The following CCBE1 variants were observed in gnomAD, a reference collection of about 807,000 sequenced individuals.
CCBE1 encodes collagen and calcium binding EGF domains 1.
CCBE1 carries 37 observed loss-of-function variants against 50.0 expected under a neutral mutation model. That is an observed-to-expected ratio of 0.74 (90% CI 0.57 to 0.97). The LOEUF is 0.97. CCBE1 is among the 50% of genes least tolerant of loss of function. CCBE1 has a pLI of 0.00. For missense variants in CCBE1, 538 were observed against 523.8 expected (o/e 1.03, Z -0.26); for synonymous variants, 234 against 203.7 (o/e 1.15, Z -1.27).
chr18:59,527,862 G>A (rs1290529451), intron 2 of CCBE1, among the ~76,000 whole-genome samples: 1 of 152,112 alleles, frequency 6.6e-6, no homozygotes, highest in African/African-American at 2.4e-5. Context: ...TTACTCTGAT[G>A]GGCTTCTCCT....
At chr18:59,504,678 A>G (rs1913787716) in intron 2 of CCBE1, among the ~76,000 whole-genome samples, 1 of 152,186 alleles carries the variant, frequency 6.6e-6, no homozygotes, top group Admixed American at 6.5e-5. Context: ...TACATTTTGC[A>G]TGGCAAATGC....
intron 2 of CCBE1, among the ~76,000 whole-genome samples, chr18:59,553,289 A>G (rs1915994186): frequency 6.6e-6 from 1 of 152,220 alleles, no homozygotes; most frequent in South Asian, 2.1e-4. Flanking sequence ...ACACAGTCTC[A>G]TTCAAGCATG....
intron 2 of CCBE1, among the ~76,000 whole-genome samples, chr18:59,647,643 T>C (rs929603087): frequency 1.3e-5 from 2 of 152,180 alleles, no homozygotes; most frequent in African/African-American, 4.8e-5. Context: ...TGCACGCATA[T>C]TAGAACTTTC....
At chr18:59,567,600 G>A (rs2052849394) in intron 2 of CCBE1, among the ~76,000 whole-genome samples, 1 of 152,144 alleles carries the variant, frequency 6.6e-6, no homozygotes, top group East Asian at 1.9e-4. Context: ...AAGTGGATCG[G>A]GTTTTAATGT....
At chr18:59,441,279 G>A (rs1910409099) in intron 7 of CCBE1, among the ~76,000 whole-genome samples, 1 of 152,228 alleles carries the variant, frequency 6.6e-6, no homozygotes, top group Admixed American at 6.5e-5. Flanking sequence ...GGAGGTTGAG[G>A]CGGGTGGATC....
chr18:59,571,749 T>C (rs1180905044), intron 2 of CCBE1, among the ~76,000 whole-genome samples: 1 of 152,050 alleles, frequency 6.6e-6, no homozygotes, highest in East Asian at 1.9e-4. Context: ...TGATTTAATC[T>C]CTTAATATGT....
intron 2 of CCBE1, among the ~76,000 whole-genome samples, chr18:59,503,606 T>C (rs2143844501): frequency 6.6e-6 from 1 of 152,332 alleles, no homozygotes; most frequent in East Asian, 1.9e-4. Context: ...TCTAAATGGC[T>C]CATCCTCACC....
intron 2 of CCBE1, among the ~76,000 whole-genome samples, chr18:59,554,203 T>C (rs1015987404): frequency 6.6e-6 from 1 of 152,158 alleles, no homozygotes; most frequent in Non-Finnish European, 1.5e-5. Context: ...CCCAGACTTG[T>C]CTTGAACTCA....
intron 5 of CCBE1, among the ~76,000 whole-genome samples, chr18:59,457,973 A>G (rs1379381881): frequency 6.6e-6 from 1 of 152,246 alleles, no homozygotes; most frequent in African/African-American, 2.4e-5. Flanking sequence ...GGGCTCCTGC[A>G]TGAAAAGATG....
chr18:59,622,829 G>GAA (rs372756620), intron 2 of CCBE1, among the ~76,000 whole-genome samples: 45,609 of 137,010 alleles, frequency 0.33, 7,740 homozygotes, highest in East Asian at 0.54. Flanking sequence ...AAAGAAAAAA[G>GAA]AAAAAAAAAA....
chr18:59,562,310 A>G (rs1256823064), intron 2 of CCBE1, among the ~76,000 whole-genome samples: 2 of 152,184 alleles, frequency 1.3e-5, no homozygotes, highest in Non-Finnish European at 2.9e-5. Context: ...ATCAGAACCT[A>G]TCTTTTTAGA....
chr18:59,590,252 A>G (rs1008292672), intron 2 of CCBE1, among the ~76,000 whole-genome samples: 6 of 152,238 alleles, frequency 3.9e-5, no homozygotes, highest in Non-Finnish European at 7.3e-5. Context: ...AAAACAATGA[A>G]TATCTCCACA....
At chr18:59,683,316 A>G (rs772641240) in intron 2 of CCBE1, among the ~76,000 whole-genome samples, 1 of 152,246 alleles carries the variant, frequency 6.6e-6, no homozygotes, top group Non-Finnish European at 1.5e-5. Flanking sequence ...ATAGTGGGTC[A>G]ATCTGTGCTA....
At position 59,616,594 on chromosome 18, in the gene CCBE1, C is replaced by T. The variant is rs578221235; in HGVS notation, c.212+80035G>A. Among the ~76,000 whole-genome samples, 63 of 152,248 alleles carry T rather than the reference C, an allele frequency of 4.1e-4. 1 individual carries two copies. Among genetic ancestry groups the T allele is most frequent in the Admixed American group, 7.8e-4 (12 of 15,298 alleles). On this transcript the variant is annotated intron_variant, in intron 2 of 10. Transcript: ENST00000439986. ...TGTGAAACTCCCCTTAGTGGCTAGG[C>T]GCCAAACCCATTCCTCAGTCCTGGC...
intron 2 of CCBE1, among the ~76,000 whole-genome samples, chr18:59,492,886 C>A (rs575296811): frequency 6.6e-6 from 1 of 152,282 alleles, no homozygotes; most frequent in East Asian, 1.9e-4. Context: ...AGAATGCTGA[C>A]CCTTGAAGTG....
At chr18:59,673,189 G>A (rs916724934) in intron 2 of CCBE1, among the ~76,000 whole-genome samples, 4 of 152,192 alleles carry the variant, frequency 2.6e-5, no homozygotes, top group African/African-American at 4.8e-5. Flanking sequence ...GGTGGCTCAT[G>A]CCTGTAATCC....
At chr18:59,484,545 G>T (rs540628876) in intron 2 of CCBE1, among the ~76,000 whole-genome samples, 1 of 152,344 alleles carries the variant, frequency 6.6e-6, no homozygotes, top group Admixed American at 6.5e-5. Flanking sequence ...ACGCAGTGGA[G>T]TAAGAAGCAA....
intron 2 of CCBE1, among the ~76,000 whole-genome samples, chr18:59,533,297 G>A (rs1483506772): frequency 6.6e-6 from 1 of 152,132 alleles, no homozygotes; most frequent in Admixed American, 6.5e-5. Context: ...CATCACTCCC[G>A]ATTATGAATC....
At chr18:59,494,226 A>G (rs907007918) in intron 2 of CCBE1, among the ~76,000 whole-genome samples, 5 of 152,204 alleles carry the variant, frequency 3.3e-5, no homozygotes, top group Non-Finnish European at 7.3e-5. Context: ...TCTGCCCTAG[A>G]AAGATATACA....
Sources: gnomAD v4.1 joint callset for allele counts (sites outside exome capture counted in the v4.1 genomes callset) on GRCh38, gnomAD v4.1.1 for gene constraint, MANE v1.5 for transcripts, NCBI Gene and HGNC (gene_info 2026-07-23, HGNC 2026-07-21) for gene names.